KLHL1: variants seen among roughly 807,000 people sequenced by gnomAD.
KLHL1 encodes the protein kelch like family member 1, also known as kelch-like protein 1.
A neutral mutation model predicts 77.7 loss-of-function variants in KLHL1; 47 were observed. That is an observed-to-expected ratio of 0.60 (90% CI 0.48 to 0.77). The LOEUF is 0.77. Among genes scored for constraint, KLHL1 ranks in the 30% least tolerant of loss-of-function variants. The probability of loss-of-function intolerance (pLI) is 0.00; values close to 1 mark genes in which losing one functional copy is unlikely to be tolerated. For missense variants in KLHL1, 925 were observed against 910.8 expected (o/e 1.02, Z -0.20); for synonymous variants, 360 against 325.2 (o/e 1.11, Z -1.15).
intron 1 of KLHL1, among the ~76,000 whole-genome samples, chr13:69,986,763 T>C (rs1884882364): frequency 6.6e-6 from 1 of 151,982 alleles, no homozygotes; most frequent in Admixed American, 6.6e-5. Context: ...TGAGTTAGTG[T>C]TGAGGGGACA....
intron 1 of KLHL1, among the ~76,000 whole-genome samples, chr13:69,982,481 A>AT (rs1438461766): frequency 8.9e-4 from 129 of 144,798 alleles, no homozygotes; most frequent in Non-Finnish European, 1.5e-3. Context: ...AATAATAATA[A>AT]AATAAAAAGC....
chr13:69,885,006 T>TCTCGGCTCACTGCAAG (rs1298525265), intron 4 of KLHL1, among the ~76,000 whole-genome samples: 1 of 143,318 alleles, frequency 7.0e-6, no homozygotes, highest in African/African-American at 2.7e-5. Context: ...AGTGGCGCAA[T>TCTCGGCTCACTGCAAG]CTCGGCTCAC....
intron 7 of KLHL1, among the ~76,000 whole-genome samples, chr13:69,762,968 T>C (rs75605606): frequency 0.082 from 12,437 of 152,110 alleles, 573 homozygotes; most frequent in Non-Finnish European, 0.099. Flanking sequence ...GCAGAACATT[T>C]GTCCACTCCT....
At chr13:70,017,797 A>C (rs554620112) in intron 1 of KLHL1, among the ~76,000 whole-genome samples, 1 of 152,388 alleles carries the variant, frequency 6.6e-6, no homozygotes, top group African/African-American at 2.4e-5. Context: ...AAAATTATGT[A>C]GAGCTTAAGT....
At chr13:69,750,816 A>G (rs1874443859) in intron 7 of KLHL1, among the ~76,000 whole-genome samples, 1 of 152,034 alleles carries the variant, frequency 6.6e-6, no homozygotes, top group Non-Finnish European at 1.5e-5. Flanking sequence ...AATTTATTTC[A>G]TTCTTTCTTT....
intron 7 of KLHL1, among the ~76,000 whole-genome samples, chr13:69,783,939 G>A (rs200244673): frequency 6.6e-6 from 1 of 151,946 alleles, no homozygotes; most frequent in Non-Finnish European, 1.5e-5. Flanking sequence ...AGAAAGGAAG[G>A]TCGGGTTACC....
chr13:69,798,827 T>C (rs966148334), intron 6 of KLHL1, among the ~76,000 whole-genome samples: 2 of 152,034 alleles, frequency 1.3e-5, no homozygotes, highest in Admixed American at 6.5e-5. Context: ...CAGCACTTTG[T>C]GAGGCCAAGG....
intron 4 of KLHL1, among the ~76,000 whole-genome samples, chr13:69,923,996 A>C (rs916963602): frequency 6.6e-6 from 1 of 152,180 alleles, no homozygotes; most frequent in African/African-American, 2.4e-5. Flanking sequence ...ATCTTGGAAC[A>C]CAGTTGAGGC....
In KLHL1 at chr13:69,701,717, G is replaced by A. The variant is rs1875404730; in HGVS notation, c.2232C>T (p.Val744=). 4.4e-6 allele frequency: 7 copies of A among 1,608,568 alleles called. No individual in the cohort carries two copies. In the South Asian group the frequency reaches 6.6e-5, roughly 15 times the overall value. The change falls in exon 11 of 11, where the codon GTC becomes GTT. Residue 744 remains valine, a synonymous_variant. Transcript: ENST00000377844. Reference sequence around the variant, plus strand: ...TATCAATAAGTCAAGGTTGCTTGATGACTACCACACAGGCACCTGCTCTCC... The same window carrying A: ...TATCAATAAGTCAAGGTTGCTTGATAACTACCACACAGGCACCTGCTCTCC... ...NIGRAGACVV[V]IKQP is the part of the protein sequence containing the mutation.
At chr13:69,792,763 A>G (rs1876925276) in intron 7 of KLHL1, among the ~76,000 whole-genome samples, 1 of 152,326 alleles carries the variant, frequency 6.6e-6, no homozygotes, top group South Asian at 2.1e-4. Flanking sequence ...ATTGTGCTAC[A>G]TGAAAGAAGC....
intron 4 of KLHL1, among the ~76,000 whole-genome samples, chr13:69,886,578 A>G (rs779062890): frequency 3.9e-5 from 6 of 152,010 alleles, no homozygotes; most frequent in Non-Finnish European, 8.8e-5. Flanking sequence ...GTAATATTGT[A>G]TCAAACAATA....
At chr13:70,073,224 G>C (rs187767299) in intron 1 of KLHL1, among the ~76,000 whole-genome samples, 2 of 152,050 alleles carry the variant, frequency 1.3e-5, no homozygotes, top group Non-Finnish European at 1.5e-5. Flanking sequence ...AATACTATGC[G>C]GCCATAAAAA....
intron 4 of KLHL1, among the ~76,000 whole-genome samples, chr13:69,913,820 G>C (rs1882324159): frequency 6.6e-6 from 1 of 152,138 alleles, no homozygotes; most frequent in Admixed American, 6.5e-5. Flanking sequence ...GGTTAATCCT[G>C]AGTGTCAGCT....
intron 4 of KLHL1, among the ~76,000 whole-genome samples, chr13:69,885,344 C>T (rs1454169855): frequency 6.6e-6 from 1 of 152,062 alleles, no homozygotes; most frequent in East Asian, 1.9e-4. Context: ...GTTGTTTGTA[C>T]AAACTGCTAT....
chr13:69,745,051 T>A (rs1014431362), intron 7 of KLHL1, among the ~76,000 whole-genome samples: 6 of 152,040 alleles, frequency 3.9e-5, no homozygotes, highest in African/African-American at 1.2e-4. Flanking sequence ...GGTTTTTTTT[T>A]TAACCAATTT....
At chr13:69,963,956 A>G (rs1033625594) in intron 2 of KLHL1, among the ~76,000 whole-genome samples, 1 of 152,160 alleles carries the variant, frequency 6.6e-6, no homozygotes, top group Admixed American at 6.6e-5. Context: ...TTATTTACAC[A>G]TGACATAGAA....
intron 4 of KLHL1, among the ~76,000 whole-genome samples, chr13:69,883,724 A>G (rs929373845): frequency 2.0e-5 from 3 of 152,266 alleles, no homozygotes; most frequent in Admixed American, 1.3e-4. Context: ...ACAAAATTGT[A>G]GAAACAGCAC....
At chr13:70,075,582 TATATATACAC>T (rs1192646097) in intron 1 of KLHL1, among the ~76,000 whole-genome samples, 1 of 110,932 alleles carries the variant, frequency 9.0e-6, no homozygotes, top group Non-Finnish European at 1.8e-5. Flanking sequence ...TATATATATA[TATATATACAC>T]ACACACACAT....
intron 6 of KLHL1, among the ~76,000 whole-genome samples, chr13:69,809,336 C>T (rs1877761129): frequency 6.6e-6 from 1 of 152,068 alleles, no homozygotes; most frequent in African/African-American, 2.4e-5. Flanking sequence ...CAAAGGGAAA[C>T]CTGGCAGACT....
Sources: gnomAD v4.1 joint callset for allele counts (sites outside exome capture counted in the v4.1 genomes callset) on GRCh38, gnomAD v4.1.1 for gene constraint, MANE v1.5 for transcripts, NCBI Gene and HGNC (gene_info 2026-07-23, HGNC 2026-07-21) for gene names.